The following KCNAB2 variants were observed in gnomAD, a reference collection of about 807,000 sequenced individuals.
KCNAB2 encodes the protein potassium voltage-gated channel subfamily A regulatory beta subunit 2, also known as voltage-gated potassium channel subunit beta-2.
A neutral mutation model predicts 63.6 loss-of-function variants in KCNAB2; 29 were observed. That is an observed-to-expected ratio of 0.46 (90% CI 0.34 to 0.62). The LOEUF is 0.62. Among genes scored for constraint, KCNAB2 ranks in the 20% least tolerant of loss-of-function variants. KCNAB2 has a pLI of 0.01. For synonymous variants in KCNAB2, 222 were observed against 224.2 expected, an observed-to-expected ratio of 0.99 and a Z score of 0.09; for missense variants, 359 against 563.9, an observed-to-expected ratio of 0.64 and a Z score of 3.68.
At chr1:6,095,816 G>A (rs910255128) in intron 13 of KCNAB2, among the ~76,000 whole-genome samples, 192 bp downstream of exon 13, 2 of 151,904 alleles carry the variant, frequency 1.3e-5, no homozygotes, top group Non-Finnish European at 2.9e-5. Flanking sequence ...ATGTGTAGAG[G>A]GGCTGCCCAG....
intron 1 of KCNAB2, among the ~76,000 whole-genome samples, chr1:6,002,430 G>A (rs1026581267): frequency 6.6e-6 from 1 of 152,236 alleles, no homozygotes. Context: ...AGCTGAGGTT[G>A]AGACAAAGCC....
intron 5 of KCNAB2, among the ~76,000 whole-genome samples, chr1:6,084,631 C>T (rs1279641007): frequency 4.6e-5 from 7 of 152,118 alleles, no homozygotes; most frequent in Admixed American, 1.3e-4. Context: ...GCCTGGCCAA[C>T]ATAGTGAAAC....
chr1:6,030,983 G>A (rs562129865), upstream of KCNAB2, among the ~76,000 whole-genome samples: 7 of 151,908 alleles, frequency 4.6e-5, no homozygotes, highest in African/African-American at 1.7e-4. Context: ...CAAAGGACAT[G>A]GATGCTGGGA....
chr1:6,057,549 G>A (rs1661944878), intron 2 of KCNAB2, among the ~76,000 whole-genome samples: 1 of 152,170 alleles, frequency 6.6e-6, no homozygotes, highest in Non-Finnish European at 1.5e-5. Flanking sequence ...CCCAAGGAAC[G>A]GGGTCCATCT....
intron 2 of KCNAB2, among the ~76,000 whole-genome samples, chr1:6,052,631 T>G (rs878975789): frequency 6.6e-6 from 1 of 152,166 alleles, no homozygotes; most frequent in Non-Finnish European, 1.5e-5. Flanking sequence ...AGCGCTCTGC[T>G]AGCCACCGTT....
In KCNAB2 at chr1:6,087,400, CG is replaced by C; in HGVS notation, c.426-63del. ...ACCTCTGTGTGAGAGATGAGGACGT[CG>C]GGGATGAAGGAGGACCCCCCAGGGG... On this transcript the variant is annotated intron_variant, in intron 6 of 15. Coordinates refer to ENST00000378083, the MANE Select transcript of KCNAB2 (RefSeq NM_001199862.2). The surrounding 1 kb of genome is among the most constrained non-coding windows in gnomAD (Gnocchi z 6.4). 6.5e-7 allele frequency: 1 copy of C among 1,540,530 alleles called. No homozygotes were observed. Among genetic ancestry groups the C allele is most frequent in the South Asian group, 1.1e-5 (1 of 89,452 alleles).
intron 2 of KCNAB2, among the ~76,000 whole-genome samples, chr1:6,062,922 A>ATT (rs1662439891): frequency 6.6e-6 from 1 of 151,976 alleles, no homozygotes; most frequent in African/African-American, 2.4e-5. Flanking sequence ...CAATTTTAGG[A>ATT]TATGTTCATC....
intron 2 of KCNAB2, among the ~76,000 whole-genome samples, chr1:6,063,030 A>AT (rs199732854): frequency 0.029 from 3,997 of 137,750 alleles, 67 homozygotes; most frequent in South Asian, 0.041. Flanking sequence ...GCCTATTTGG[A>AT]TTTTTTTTTT....
intron 1 of KCNAB2, among the ~76,000 whole-genome samples, chr1:6,016,085 G>A (rs1658478471): frequency 6.6e-6 from 1 of 152,202 alleles, no homozygotes. Context: ...TTTGTCCAGA[G>A]ACATTTAGTC....
intron 1 of KCNAB2, among the ~76,000 whole-genome samples, chr1:6,038,751 C>T (rs554967904): frequency 2.0e-5 from 3 of 152,322 alleles, no homozygotes; most frequent in South Asian, 4.1e-4. Flanking sequence ...CCGAGGAAGC[C>T]GGCTTCCTGG....
In KCNAB2 at chr1:6,086,832, C is replaced by T. The variant is rs1317898449; in HGVS notation, c.426-635C>T. ...GCCACACTTGGGCTCCCTATGCCTC[C>T]CCTCCCTCCTTTGGTGCCCCCCAAG... On this transcript the variant is annotated intron_variant, in intron 6 of 15. Transcript: ENST00000378083. This position sits in a 1 kb window ranked among gnomAD's most constrained non-coding sequence, Gnocchi z 4.2. Among the ~76,000 whole-genome samples, 1 of 152,026 alleles carries T rather than the reference C, an allele frequency of 6.6e-6. No individual in the cohort carries two copies.
intron 2 of KCNAB2, among the ~76,000 whole-genome samples, chr1:6,059,632 A>G (rs996932146): frequency 3.7e-5 from 5 of 136,578 alleles, no homozygotes; most frequent in African/African-American, 1.5e-4. Context: ...GTTACGTCTC[A>G]AAGGGTGCTT....
Position 6,085,188 on chromosome 1 carries a change from G to A in KCNAB2, c.381-16G>A, listed in dbSNP as rs767083225. Reference sequence around the variant, plus strand: ...TCTGTTTGGCTGTGATGAGAGCTCGGTGTCTTGTTTTGCAGGGCTGAAGTG... The same window carrying A: ...TCTGTTTGGCTGTGATGAGAGCTCGATGTCTTGTTTTGCAGGGCTGAAGTG... On this transcript the variant is annotated splice_polypyrimidine_tract_variant and intron_variant, in intron 5 of 15. Transcript: ENST00000378083. 1.2e-6 allele frequency: 2 copies of A among 1,613,924 alleles called. No individual in the cohort carries two copies. The highest frequency in any genetic ancestry group is 1.1e-5 in the South Asian group (1 of 91,076).
intron 1 of KCNAB2, among the ~76,000 whole-genome samples, chr1:6,025,606 G>A (rs1364094794): frequency 6.6e-6 from 1 of 152,208 alleles, no homozygotes; most frequent in Non-Finnish European, 1.5e-5. Flanking sequence ...CCCTCAAGGC[G>A]GCTGCCCCCT....
At chr1:6,054,468 A>G (rs1267710156) in intron 2 of KCNAB2, among the ~76,000 whole-genome samples, 2 of 152,202 alleles carry the variant, frequency 1.3e-5, no homozygotes, top group African/African-American at 4.8e-5. Flanking sequence ...TGTCTCTACT[A>G]AAAATACAAA....
chr1:6,065,368 T>C (rs1662658774), intron 2 of KCNAB2, among the ~76,000 whole-genome samples: 1 of 152,194 alleles, frequency 6.6e-6, no homozygotes. Context: ...TAATAATGAA[T>C]GGCCAGACGC....
At chr1:6,041,924 G>T (rs370757165), upstream of KCNAB2, 2 of 1,546,044 alleles carry the variant, frequency 1.3e-6, no homozygotes, top group Admixed American at 3.3e-5. Context: ...GCCAGGGAGC[G>T]GGTGGGAGGA....
chr1:6,065,563 C>G (rs1391971394), intron 2 of KCNAB2, among the ~76,000 whole-genome samples: 2 of 152,158 alleles, frequency 1.3e-5, no homozygotes, highest in Admixed American at 1.3e-4. Context: ...CCTGCGCAGC[C>G]CCCCAGGCCA....
At chr1:6,025,753 T>C (rs902460588) in intron 1 of KCNAB2, among the ~76,000 whole-genome samples, 4 of 152,086 alleles carry the variant, frequency 2.6e-5, no homozygotes, top group African/African-American at 9.7e-5. Flanking sequence ...TTGTCACCTG[T>C]AGCATGGGGG....
Sources: gnomAD v4.1 joint callset for allele counts (sites outside exome capture counted in the v4.1 genomes callset) on GRCh38, gnomAD v4.1.1 for gene constraint, Gnocchi (gnomAD v3.1) non-coding constraint, MANE v1.5 for transcripts, NCBI Gene and HGNC (gene_info 2026-07-23, HGNC 2026-07-21) for gene names.